ERMP1: variants seen among roughly 807,000 people sequenced by gnomAD.
The protein encoded by ERMP1 is endoplasmic reticulum metallopeptidase 1.
In ERMP1, 86 loss-of-function variants were observed where a neutral mutation model predicts 92.0. The observed-to-expected ratio is 0.93, with a 90% confidence interval of 0.79 to 1.12. The LOEUF (loss-of-function observed/expected upper bound fraction) is 1.12. Among genes scored for constraint, ERMP1 ranks in the 50% most tolerant of loss-of-function variants. ERMP1 has a pLI of 0.00. For synonymous variants in ERMP1, 530 were observed against 412.8 expected, an observed-to-expected ratio of 1.28 and a Z score of -3.44; for missense variants, 1,342 against 1,116.3, an observed-to-expected ratio of 1.20 and a Z score of -2.88.
At position 5,797,914 on chromosome 9, in the gene ERMP1, A is replaced by T. The variant is rs1203584099; in HGVS notation, c.2289T>A (p.Pro763=). The change falls in exon 13 of 15, where the codon CCT becomes CCA. Residue 763 remains proline, a synonymous_variant. Transcript: ENST00000339450. ...HFLIRKNWYL[P]APEVSPRNPP... ...GATTTCTTGGAGAAACTTCTGGGGCAGGAAGATACCAGTTTTTCCTATTTA... is the reference window on the plus strand; with the variant it reads ...GATTTCTTGGAGAAACTTCTGGGGCTGGAAGATACCAGTTTTTCCTATTTA... 1.2e-6 allele frequency: 2 copies of T among 1,611,716 alleles called. No individual in the cohort carries two copies. Among genetic ancestry groups the T allele is most frequent in the Middle Eastern group, 1.7e-4 (1 of 6,060 alleles).
chr9:5,863,813 T>G (rs1830571840), intron 5 of ERMP1, among the ~76,000 whole-genome samples: 1 of 152,218 alleles, frequency 6.6e-6, no homozygotes, highest in African/African-American at 2.4e-5. Flanking sequence ...AATGGGAACA[T>G]TCTATTTTAT....
intron 6 of ERMP1, among the ~76,000 whole-genome samples, chr9:5,858,767 T>G (rs747759360): frequency 2.0e-5 from 3 of 152,154 alleles, no homozygotes; most frequent in Admixed American, 6.5e-5. Context: ...TCAACAACAA[T>G]GCACACACTC....
At chr9:5,837,026 A>G (rs1439849975), upstream of ERMP1, among the ~76,000 whole-genome samples, 1 of 152,212 alleles carries the variant, frequency 6.6e-6, no homozygotes, top group East Asian at 1.9e-4. Flanking sequence ...CTGCATTGCT[A>G]GCTGAAGCCA....
intron 3 of ERMP1, 145 bp downstream of exon 3, chr9:5,824,947 G>T: frequency 1.4e-6 from 1 of 722,490 alleles, no homozygotes; most frequent in Non-Finnish European, 2.2e-6. Flanking sequence ...TTAAAGTACT[G>T]CTCATAAAGT....
chr9:5,829,014 T>G (rs867847741), intron 2 of ERMP1, among the ~76,000 whole-genome samples: 11 of 152,002 alleles, frequency 7.2e-5, no homozygotes, highest in Admixed American at 2.6e-4. Context: ...GAGACTGAGG[T>G]AGGCGGATCA....
chr9:5,848,122 A>C (rs971341348), intron 6 of ERMP1, among the ~76,000 whole-genome samples: 1 of 152,172 alleles, frequency 6.6e-6, no homozygotes, highest in African/African-American at 2.4e-5. Context: ...AGATGTCCAC[A>C]TCCTAATCCA....
intron 6 of ERMP1, among the ~76,000 whole-genome samples, chr9:5,853,561 T>A (rs1303646232): frequency 2.0e-5 from 3 of 151,948 alleles, no homozygotes; most frequent in Admixed American, 6.6e-5. Flanking sequence ...TGTATGTTCC[T>A]AAATGTGGTT....
chr9:5,844,351 T>G (rs1451984894), intron 6 of ERMP1, among the ~76,000 whole-genome samples: 2 of 152,244 alleles, frequency 1.3e-5, no homozygotes, highest in Non-Finnish European at 2.9e-5. Flanking sequence ...TTCAGTTCAC[T>G]GCAACCTCTG....
Position 5,798,842 on chromosome 9 carries a change from C to G in ERMP1, c.2234G>C (p.Gly745Ala), listed in dbSNP as rs1248686010. The change falls in exon 12 of 15, where the codon GGT becomes GCT. Residue 745 changes from glycine to alanine, a missense_variant. Gly to Ala is a moderately conservative substitution (Grantham distance 60, BLOSUM62 0). Coordinates refer to ENST00000339450, the MANE Select transcript of ERMP1 (RefSeq NM_024896.3). ...GTGCACTGGAAGATACCAAGGAAAA[C>G]CACAAAGAGGTGCATTCTCCTCACA... The part of the protein sequence containing the change: ...AHCEENAPLC[G>A]FPWYLPVHFL... 6.8e-6 allele frequency: 11 copies of G among 1,613,744 alleles called. No individual in the cohort carries two copies. Among genetic ancestry groups the G allele is most frequent in the Non-Finnish European group, 9.3e-6 (11 of 1,179,836 alleles).
intron 4 of ERMP1, among the ~76,000 whole-genome samples, chr9:5,823,123 A>G (rs1040623669): frequency 2.0e-5 from 3 of 152,092 alleles, no homozygotes; most frequent in African/African-American, 7.2e-5. Context: ...TGTCTCTACA[A>G]AAAAATTTTT....
At chr9:5,857,024 C>A (rs1830382684) in intron 6 of ERMP1, among the ~76,000 whole-genome samples, 1 of 151,438 alleles carries the variant, frequency 6.6e-6, no homozygotes, top group Non-Finnish European at 1.5e-5. Context: ...ACTTTTTTTT[C>A]TTTTTTTTCA....
chr9:5,847,027 C>T (rs1830245204), intron 6 of ERMP1, among the ~76,000 whole-genome samples: 1 of 152,218 alleles, frequency 6.6e-6, no homozygotes, highest in South Asian at 2.1e-4. Flanking sequence ...TCTCCTGCAT[C>T]CTCTCAGCAC....
At chr9:5,824,984 C>A (rs576556123) in intron 3 of ERMP1, 108 bp downstream of exon 3, 29 of 1,070,560 alleles carry the variant, frequency 2.7e-5, no homozygotes, top group Admixed American at 4.3e-5. Flanking sequence ...TTTTATACTA[C>A]CCACAGGAGT....
chr9:5,791,997 G>C (rs578030219), intron 13 of ERMP1, among the ~76,000 whole-genome samples: 7 of 152,282 alleles, frequency 4.6e-5, no homozygotes, highest in African/African-American at 1.7e-4. Flanking sequence ...GATGGGAGAG[G>C]AGGGCAGAGA....
rs780147608 is a variant in ERMP1 at position 5,830,769 on chromosome 9, C to G, written c.598G>C (p.Val200Leu). 26 of 1,613,910 alleles carry G rather than the reference C, an allele frequency of 1.6e-5. No individual in the cohort carries two copies. Among genetic ancestry groups the G allele is most frequent in the Non-Finnish European group, 2.2e-5 (26 of 1,179,966 alleles). ...LEPRDGAQHA[V>L]LANCHFDSVA... ...GAGTCAAAATGACAATTAGCCAAGA[C>G]AGCATGCTGGGCTCCATCTCTGGGT... Residue 200 changes from valine to leucine, a missense_variant, in exon 2 of 15, where the codon GTC (valine) becomes CTC (leucine). Physicochemically the swap from Val to Leu is conservative, Grantham distance 32. Coordinates refer to ENST00000339450, the MANE Select transcript of ERMP1 (RefSeq NM_024896.3).
At chr9:5,818,250 C>T (rs1052602001) in intron 4 of ERMP1, among the ~76,000 whole-genome samples, 4 of 151,644 alleles carry the variant, frequency 2.6e-5, no homozygotes, top group Non-Finnish European at 5.9e-5. Context: ...ATAAGACTAG[C>T]TAGCAGGTTG....
At chr9:5,828,087 T>C (rs535629596) in intron 2 of ERMP1, among the ~76,000 whole-genome samples, 4 of 152,176 alleles carry the variant, frequency 2.6e-5, no homozygotes, top group Non-Finnish European at 5.9e-5. Flanking sequence ...AATAATCACT[T>C]AAGGAGTTCA....
chr9:5,819,938 G>A (rs1029871031), intron 4 of ERMP1, among the ~76,000 whole-genome samples: 2 of 152,134 alleles, frequency 1.3e-5, no homozygotes, highest in African/African-American at 4.8e-5. Flanking sequence ...TGATTATGAT[G>A]ATGATTGCAC....
intron 13 of ERMP1, among the ~76,000 whole-genome samples, chr9:5,789,371 A>G (rs1275659243): frequency 6.6e-6 from 1 of 152,232 alleles, no homozygotes; most frequent in Non-Finnish European, 1.5e-5. Flanking sequence ...ATTTTTAAAA[A>G]CTCAATATTG....
Sources: gnomAD v4.1 joint callset for allele counts (sites outside exome capture counted in the v4.1 genomes callset) on GRCh38, gnomAD v4.1.1 for gene constraint, MANE v1.5 for transcripts, NCBI Gene and HGNC (gene_info 2026-07-23, HGNC 2026-07-21) for gene names.